The following MED13L variants were observed in gnomAD, a reference collection of about 807,000 sequenced individuals.
The protein encoded by MED13L is mediator complex subunit 13L.
MED13L carries 7 observed loss-of-function variants against 220.9 expected under a neutral mutation model. That is an observed-to-expected ratio of 0.03 (90% CI 0.02 to 0.06). The LOEUF (loss-of-function observed/expected upper bound fraction) is 0.06. Among genes scored for constraint, MED13L ranks in the 10% least tolerant of loss-of-function variants. The pLI is 1.00. For missense variants in MED13L, 1,965 were observed against 2,760.5 expected (o/e 0.71, Z 6.46); for synonymous variants, 1,011 against 1,015.2 (o/e 1.00, Z 0.08).
At chr12:116,171,822 C>A (rs894707567) in intron 2 of MED13L, among the ~76,000 whole-genome samples, 8 of 152,196 alleles carry the variant, frequency 5.3e-5, no homozygotes, top group Admixed American at 6.5e-5. Context: ...CAATATCTAC[C>A]AACCAATTTT....
chr12:116,226,005 T>C (rs955960046), intron 2 of MED13L, among the ~76,000 whole-genome samples: 2 of 151,876 alleles, frequency 1.3e-5, no homozygotes, highest in East Asian at 3.9e-4. Flanking sequence ...TTTACCATCA[T>C]ATACATACAA....
chr12:116,146,029 C>T lies in MED13L; in HGVS notation c.311-34517G>A, dbSNP rs534507289. Among the ~76,000 whole-genome samples the T allele has an allele frequency of 2.2e-4, 33 of 152,290 alleles. 1 individual carries two copies. Among genetic ancestry groups the T allele is most frequent in the African/African-American group, 4.6e-4 (19 of 41,560 alleles). On this transcript the variant is annotated intron_variant, in intron 2 of 30. Transcript: ENST00000281928. The stretch of plus-strand genomic sequence containing the variant: ...AATCAAGCTTGTTGAACCCACAGCC[C>T]GCGGGCCGCATGAGGCCCAGAACGG...
intron 2 of MED13L, among the ~76,000 whole-genome samples, chr12:116,211,835 CCATTT>C (rs1397553176): frequency 3.3e-5 from 5 of 152,174 alleles, no homozygotes; most frequent in African/African-American, 4.8e-5. Context: ...CGATTCCATT[CCATTT>C]AACACTTTTG....
chr12:116,237,820 T>G, intron 1 of MED13L, 115 bp from the exon 2 acceptor site: 1 of 904,460 alleles, frequency 1.1e-6, no homozygotes, highest in Non-Finnish European at 1.8e-6. Flanking sequence ...CGAAACTTCA[T>G]ATCATAAGAT....
chr12:116,131,501 T>C (rs1876063154), intron 2 of MED13L, among the ~76,000 whole-genome samples: 1 of 152,216 alleles, frequency 6.6e-6, no homozygotes. Context: ...AGGTACTTCC[T>C]TCTCAAATCC....
chr12:116,132,837 T>C (rs999771528), intron 2 of MED13L, among the ~76,000 whole-genome samples: 14 of 151,942 alleles, frequency 9.2e-5, no homozygotes, highest in Middle Eastern at 3.4e-3. Context: ...GGAGAATCAC[T>C]TGAAACAGGG....
At chr12:116,023,322 C>T (rs1880174562) in intron 4 of MED13L, among the ~76,000 whole-genome samples, 1 of 152,102 alleles carries the variant, frequency 6.6e-6, no homozygotes, top group African/African-American at 2.4e-5. Flanking sequence ...CGAACAAGAT[C>T]AGAAGGCAAC....
At position 115,980,561 on chromosome 12, in the gene MED13L, CA is replaced by C. The variant is rs1877253057; in HGVS notation, c.5364+188del. ...GTGGTCTCAAACTCCTAGGCTTAAG[CA>C]ATCCTTCCACCTCAGCCTCCGAAAG... On this transcript the variant is annotated intron_variant, in intron 23 of 30. Coordinates refer to ENST00000281928, the MANE Select transcript of MED13L (RefSeq NM_015335.5). 5 of 660,014 alleles carry C rather than the reference CA, an allele frequency of 7.6e-6. No individual in the cohort carries two copies. In the Admixed American group the frequency reaches 9.1e-5, roughly 12 times the overall value. 40.9% of individuals were successfully genotyped at this position (660,014 alleles called of 1,614,324 possible). A position where few individuals can be genotyped will look rare whatever the true frequency, so the allele number is the denominator to read the frequency against.
chr12:116,276,999 G>A, intron 1 of MED13L, 61 bp downstream of exon 1: 5 of 1,502,050 alleles, frequency 3.3e-6, no homozygotes, highest in African/African-American at 2.8e-5. Context: ...GGTCGGCGGC[G>A]GAGGTCGGGG....
intron 1 of MED13L, among the ~76,000 whole-genome samples, chr12:116,264,248 A>C (rs1256181659): frequency 6.6e-6 from 1 of 152,224 alleles, no homozygotes; most frequent in African/African-American, 2.4e-5. Flanking sequence ...AAGGACAAAA[A>C]AAATTATAAA....
intron 11 of MED13L, chr12:116,006,872 G>T: frequency 4.9e-6 from 1 of 203,294 alleles, no homozygotes; most frequent in Non-Finnish European, 1.0e-5. Context: ...CCATATTTTA[G>T]AATGTCTGAA....
chr12:116,045,546 T>C (rs569093495), intron 4 of MED13L, among the ~76,000 whole-genome samples: 6 of 152,286 alleles, frequency 3.9e-5, no homozygotes, highest in African/African-American at 1.4e-4. Flanking sequence ...CTATGGACAG[T>C]CTGTACTGAA....
At chr12:115,977,989 T>C (rs938608652) in intron 23 of MED13L, among the ~76,000 whole-genome samples, 1 of 151,878 alleles carries the variant, frequency 6.6e-6, no homozygotes, top group Non-Finnish European at 1.5e-5. Flanking sequence ...GAGCGAGACC[T>C]TGCCTCAAAA....
chr12:116,029,242 T>C (rs1373903643), intron 4 of MED13L, among the ~76,000 whole-genome samples: 1 of 49,014 alleles, frequency 2.0e-5, no homozygotes, highest in Non-Finnish European at 3.7e-5. Context: ...GAAAAGCTTC[T>C]CTGAAAAAAA....
chr12:116,008,495 G>C lies in MED13L; in HGVS notation c.1918C>G (p.Pro640Ala). The C allele has an allele frequency of 6.2e-7, 1 of 1,613,754 alleles. No homozygotes were observed. The highest frequency in any genetic ancestry group is 8.5e-7 in the Non-Finnish European group (1 of 1,179,974). The change falls in exon 10 of 31, where the codon CCC becomes GCC. Residue 640 changes from proline to alanine, a missense_variant. By Grantham distance (27) the Pro-to-Ala change is conservative. This residue lies in a region of MED13L where 818 missense variants were observed against 1,041.2 expected (regional missense o/e 0.79). Transcript: ENST00000281928. Reference sequence around the variant, plus strand: ...GGCCTGAACTCAGCATCATCACTGGGTGGGAGACGATAACTATGCCACCAC... The same window carrying C: ...GGCCTGAACTCAGCATCATCACTGGCTGGGAGACGATAACTATGCCACCAC... ...EKWWHSYRLP[P>A]SDDAEFRPPE...
At chr12:115,987,974 G>A (rs987975111) in intron 17 of MED13L, among the ~76,000 whole-genome samples, 55 of 152,248 alleles carry the variant, frequency 3.6e-4, no homozygotes, top group South Asian at 1.7e-3. Flanking sequence ...GTGCAAGCAC[G>A]CTTGGACATA....
chr12:116,172,761 C>T (rs938991561), intron 2 of MED13L, among the ~76,000 whole-genome samples: 4 of 151,904 alleles, frequency 2.6e-5, no homozygotes, highest in Non-Finnish European at 5.9e-5. Flanking sequence ...CATAGCATTA[C>T]GGTGAAGAAT....
At chr12:116,006,743 T>C (rs1879070583) in intron 11 of MED13L, 3 of 377,858 alleles carry the variant, frequency 7.9e-6, no homozygotes, top group Admixed American at 4.1e-5. Context: ...AATTATAGAT[T>C]TGGCTTTCTG....
chr12:116,072,267 G>A (rs1215739229), intron 4 of MED13L, among the ~76,000 whole-genome samples: 1 of 152,160 alleles, frequency 6.6e-6, no homozygotes, highest in East Asian at 1.9e-4. Flanking sequence ...TTTACTGTGG[G>A]AAAGGTCCTT....
Sources: allele counts gnomAD v4.1 joint callset (sites outside exome capture counted in the v4.1 genomes callset), GRCh38; gene constraint gnomAD v4.1.1; regional missense constraint gnomAD v4.1.1; transcripts MANE v1.5; gene names NCBI Gene and HGNC (gene_info 2026-07-23, HGNC 2026-07-21).